TRPV4: variants seen among roughly 807,000 people sequenced by gnomAD.
TRPV4 encodes the protein OSM9-like transient receptor potential channel 4.
TRPV4 carries 58 observed loss-of-function variants against 84.1 expected under a neutral mutation model. That is an observed-to-expected ratio of 0.69 (90% CI 0.56 to 0.86). TRPV4 has a LOEUF of 0.86. Ranked by LOEUF, TRPV4 falls within the 40% of genes least tolerant of loss-of-function variation. The pLI is 0.00. For missense variants in TRPV4, 879 were observed against 1,181.1 expected, an observed-to-expected ratio of 0.74 and a Z score of 3.75; for synonymous variants, 489 against 500.9, an observed-to-expected ratio of 0.98 and a Z score of 0.32.
chr12:109,784,579 C>A, intron 14 of TRPV4, 142 bp from the exon 15 acceptor site: 1 of 1,330,022 alleles, frequency 7.5e-7, no homozygotes, highest in Non-Finnish European at 1.0e-6. Context: ...CCTGCAATCC[C>A]AGCACTTTGG....
intron 2 of TRPV4, among the ~76,000 whole-genome samples, chr12:109,812,697 G>GGAAT (rs1307277757): frequency 6.6e-6 from 1 of 152,236 alleles, no homozygotes; most frequent in Admixed American, 6.5e-5. Flanking sequence ...CATGAGAAAT[G>GGAAT]GAATGAATGA....
In TRPV4 at chr12:109,796,742, G is replaced by A. The variant is rs527328840; in HGVS notation, c.1153-38C>T. The A allele has an allele frequency of 1.9e-6, 3 of 1,584,144 alleles. No homozygotes were observed. The highest frequency in any genetic ancestry group is 3.4e-5 in the Admixed American group (2 of 58,710). On this transcript the variant is annotated intron_variant, in intron 6 of 15. Coordinates refer to ENST00000261740, the MANE Select transcript of TRPV4 (RefSeq NM_021625.5). The surrounding 1 kb of genome is among the most constrained non-coding windows in gnomAD (Gnocchi z 4.2). ...CCAGGAGGGTCAGGGGGCTCACACT[G>A]GAAAGACCCCCAGGGCTGGGCCCAG...
chr12:109,809,681 C>CCATT (rs1160158159), intron 2 of TRPV4, among the ~76,000 whole-genome samples: 2 of 152,046 alleles, frequency 1.3e-5, no homozygotes, highest in Non-Finnish European at 2.9e-5. Context: ...ATCCATCCAT[C>CCATT]CATCCAACTG....
rs142656819 is a variant in TRPV4 at position 109,783,753 on chromosome 12, G to A, written c.2484C>T (p.Arg828=). 158 of 1,613,154 alleles carry A rather than the reference G, an allele frequency of 9.8e-5. No homozygotes were observed. Among genetic ancestry groups the A allele is most frequent in the East Asian group, 8.9e-4 (40 of 44,866 alleles). ...RRDRWSSVVP[R]VVELNKNSNP... is the part of the protein sequence containing the mutation. ...TCGAGTTCTTGTTCAGTTCCACCACGCGGGGTACCACCGAGGACCAGCGAT... is the reference window on the plus strand; with the variant it reads ...TCGAGTTCTTGTTCAGTTCCACCACACGGGGTACCACCGAGGACCAGCGAT... The change falls in exon 16 of 16, where the codon CGC becomes CGT. Residue 828 remains arginine (R), a synonymous_variant. Coordinates refer to ENST00000261740, the MANE Select transcript of TRPV4 (RefSeq NM_021625.5). This position sits in a 1 kb window ranked among gnomAD's most constrained non-coding sequence, Gnocchi z 4.6.
intron 2 of TRPV4, among the ~76,000 whole-genome samples, chr12:109,808,726 T>C (rs1891303263): frequency 1.3e-5 from 2 of 152,042 alleles, no homozygotes; most frequent in South Asian, 4.1e-4. Flanking sequence ...CACCCATCCA[T>C]CCACACATCC....
Position 109,793,672 on chromosome 12 carries a change from G to A in TRPV4, c.1585-72C>T. On this transcript the variant is annotated intron_variant, in intron 9 of 15. Coordinates refer to ENST00000261740, the MANE Select transcript of TRPV4 (RefSeq NM_021625.5). The surrounding 1 kb of genome is among the most constrained non-coding windows in gnomAD (Gnocchi z 4.0). ...AGGAGAGGAGGAGAGAGGAGACAGA[G>A]AAAGGGATAGAAGAGAGGGAGGCAG... is the stretch of plus-strand genomic sequence containing the variant. 1 of 1,278,944 alleles carries A rather than the reference G, an allele frequency of 7.8e-7. No homozygotes were observed. Among genetic ancestry groups the A allele is most frequent in the Non-Finnish European group, 1.1e-6 (1 of 877,046 alleles). The allele number at this position is 1,278,944 out of a possible 1,614,324, so 79.2% of individuals were successfully genotyped here.
In TRPV4 at chr12:109,792,812, A is replaced by C; in HGVS notation, c.1664T>G (p.Ile555Ser). 1 of 1,613,792 alleles carries C rather than the reference A, an allele frequency of 6.2e-7. No individual in the cohort carries two copies. The highest frequency in any genetic ancestry group is 8.5e-7 in the Non-Finnish European group (1 of 1,180,026). The change falls in exon 11 of 16, where the codon ATC becomes AGC. Residue 555 changes from isoleucine to serine, a missense_variant. This residue lies in a region of TRPV4 where 521 missense variants were observed against 686.6 expected (regional missense o/e 0.76). Coordinates refer to ENST00000261740, the MANE Select transcript of TRPV4 (RefSeq NM_021625.5). ...IDGSFQLLYF[I>S]YSVLVIVSAA... is the part of the protein sequence containing the mutation. ...TGAGACGATCACCAGGACAGAGTAG[A>C]TGAAGCTGCAGTGCAGCAGAGACCA...
Position 109,785,110 on chromosome 12 carries a change from CT to C in TRPV4, c.2337-674del, listed in dbSNP as rs576208374. Among the ~76,000 whole-genome samples the C allele has an allele frequency of 8.9e-4, 135 of 152,208 alleles. 1 individual carries two copies. Among genetic ancestry groups the C allele is most frequent in the Admixed American group, 7.9e-3 (121 of 15,298 alleles). ...GATCACAGCTCACTGCAACCTTGAC[CT>C]CCCAGGCTCAAGTGATCCGCCCACT... On this transcript the variant is annotated intron_variant, in intron 14 of 15. Coordinates refer to ENST00000261740, the MANE Select transcript of TRPV4 (RefSeq NM_021625.5).
chr12:109,784,228 T>C, intron 15 of TRPV4, 88 bp downstream of exon 15: 1 of 1,588,080 alleles, frequency 6.3e-7, no homozygotes, highest in Non-Finnish European at 8.6e-7. Flanking sequence ...ACACGGACAC[T>C]GAGTCCCGGA....
At position 109,786,226 on chromosome 12, in the gene TRPV4, G is replaced by A. The variant is rs773359691; in HGVS notation, c.2336+484C>T. On this transcript the variant is annotated intron_variant, in intron 14 of 15. Coordinates refer to ENST00000261740, the MANE Select transcript of TRPV4 (RefSeq NM_021625.5). This position sits in a 1 kb window ranked among gnomAD's most constrained non-coding sequence, Gnocchi z 4.5. ...GGCACTCCCTGTGCCTCTGGAACAC[G>A]GAGTCATTCTGCAGATGGGCTGGGT... 5.9e-5 allele frequency among the ~76,000 whole-genome samples: 9 copies of A among 152,294 alleles called. No homozygotes were observed. The highest frequency in any genetic ancestry group is 2.2e-4 in the African/African-American group (9 of 41,552).
chr12:109,817,742 C>G (rs929673403), intron 1 of TRPV4, among the ~76,000 whole-genome samples: 3 of 152,250 alleles, frequency 2.0e-5, no homozygotes, highest in African/African-American at 7.2e-5. Flanking sequence ...CAGCCCTCAT[C>G]ATGACTCCAG....
chr12:109,798,559 G>C lies in TRPV4; in HGVS notation c.1152+55C>G. ...ATACCAGCAGCAGACCCTCGTGTGT[G>C]TGTGCAGAGGGGTACGAGTAGGTGG... On this transcript the variant is annotated intron_variant, in intron 6 of 15. Transcript: ENST00000261740. This position sits in a 1 kb window ranked among gnomAD's most constrained non-coding sequence, Gnocchi z 5.0. 2 of 1,588,578 alleles carry C rather than the reference G, an allele frequency of 1.3e-6. No homozygotes were observed. The highest frequency in any genetic ancestry group is 1.7e-6 in the Non-Finnish European group (2 of 1,167,410).
At chr12:109,810,522 CA>C (rs1230219825) in intron 2 of TRPV4, among the ~76,000 whole-genome samples, 3 of 152,186 alleles carry the variant, frequency 2.0e-5, no homozygotes, top group Non-Finnish European at 2.9e-5. Context: ...GAGAAGGGGA[CA>C]GCCACTCTCC....
chr12:109,784,458 G>A (rs1405153921), intron 14 of TRPV4, 21 bp from the exon 15 acceptor site: 1 of 1,613,920 alleles, frequency 6.2e-7, no homozygotes. Flanking sequence ...CCAAGCAGAG[G>A]GTCATGGGGA....
intron 1 of TRPV4, among the ~76,000 whole-genome samples, chr12:109,829,726 C>T (rs1035920469): frequency 2.0e-5 from 3 of 152,192 alleles, no homozygotes; most frequent in African/African-American, 7.2e-5. Flanking sequence ...AAATGGAAGC[C>T]CAGAGAGGCC....
rs547742656 is a variant in TRPV4 at position 109,822,488 on chromosome 12, C to T, written c.-31-7661G>A. On this transcript the variant is annotated intron_variant, in intron 1 of 15. Coordinates refer to ENST00000261740, the MANE Select transcript of TRPV4 (RefSeq NM_021625.5). ...GAGAGAAAATCCCAGACCTGTCCAC[C>T]CCCTCCCCACCTTCCAGGTAAGAAA... Among the ~76,000 whole-genome samples, 7 of 152,178 alleles carry T rather than the reference C, an allele frequency of 4.6e-5. No homozygotes were observed. In the East Asian group the frequency reaches 1.2e-3, roughly 25 times the overall value.
intron 1 of TRPV4, among the ~76,000 whole-genome samples, 172 bp downstream of exon 1, chr12:109,833,178 A>G (rs547642570): frequency 1.3e-5 from 2 of 152,138 alleles, no homozygotes; most frequent in African/African-American, 4.8e-5. Flanking sequence ...GCCCAAGGGC[A>G]CTTAGCTGAG....
chr12:109,783,864 C>A lies in TRPV4; in HGVS notation c.2459-86G>T. 1 of 1,482,062 alleles carries A rather than the reference C, an allele frequency of 6.7e-7. No homozygotes were observed. Among genetic ancestry groups the A allele is most frequent in the East Asian group, 2.3e-5 (1 of 44,112 alleles). The allele number at this position is 1,482,062 out of a possible 1,614,324, so 91.8% of individuals were successfully genotyped here. On this transcript the variant is annotated intron_variant, in intron 15 of 15. Transcript: ENST00000261740. This position sits in a 1 kb window ranked among gnomAD's most constrained non-coding sequence, Gnocchi z 4.6. ...TTGAGTGCCTACTGTGTACTGGGCA[C>A]TCCACAGTGTTCTGAAGGGGGGATG...
chr12:109,806,454 C>T (rs1891135785), intron 3 of TRPV4, among the ~76,000 whole-genome samples: 1 of 151,476 alleles, frequency 6.6e-6, no homozygotes, highest in Non-Finnish European at 1.5e-5. Context: ...ATCCACCCGC[C>T]TCAGCCTCCC....
Sources: allele counts gnomAD v4.1 joint callset (sites outside exome capture counted in the v4.1 genomes callset), GRCh38; gene constraint gnomAD v4.1.1; regional missense constraint gnomAD v4.1.1; non-coding constraint Gnocchi (gnomAD v3.1); transcripts MANE v1.5; gene names NCBI Gene and HGNC (gene_info 2026-07-23, HGNC 2026-07-21).